Variants in PCDHGA5 observed in about 807,000 individuals in gnomAD.
PCDHGA5 encodes the protein protocadherin gamma subfamily A, 5.
In PCDHGA5, 36 loss-of-function variants were observed where a neutral mutation model predicts 56.7. The ratio of observed to expected loss-of-function variants is 0.64; its 90% CI spans 0.49 to 0.84. PCDHGA5 has a LOEUF of 0.84. PCDHGA5 is among the 40% of genes least tolerant of loss of function. The probability of loss-of-function intolerance (pLI) is 0.00; values close to 1 mark genes in which losing one functional copy is unlikely to be tolerated. For synonymous variants in PCDHGA5, 563 were observed against 520.2 expected (o/e 1.08, Z -1.12); for missense variants, 1,305 against 1,201.5 (o/e 1.09, Z -1.27).
Position 141,477,514 on chromosome 5 carries a change from T to G in PCDHGA5, c.2422-17293T>G. 1 of 1,614,114 alleles carries G rather than the reference T, an allele frequency of 6.2e-7. No individual in the cohort carries two copies. Among genetic ancestry groups the G allele is most frequent in the Non-Finnish European group, 8.5e-7 (1 of 1,180,026 alleles). On this transcript the variant is annotated intron_variant, in intron 1 of 3. Coordinates refer to ENST00000518069, the MANE Select transcript of PCDHGA5 (RefSeq NM_018918.3). The surrounding 1 kb of genome is among the most constrained non-coding windows in gnomAD (Gnocchi z 4.9). Reference sequence around the variant, plus strand: ...CTCAATCTTCCTACGACGTTTACATTGAAGAAAACAACCTCCCCGGGGCTC... The same window carrying G: ...CTCAATCTTCCTACGACGTTTACATGGAAGAAAACAACCTCCCCGGGGCTC...
chr5:141,371,221 A>G, intron 1 of PCDHGA5: 1 of 1,614,064 alleles, frequency 6.2e-7, no homozygotes, highest in Non-Finnish European at 8.5e-7. Context: ...ATCAATGCCG[A>G]AATCATCTAT....
At chr5:141,375,540 A>C in intron 1 of PCDHGA5, 1 of 1,613,910 alleles carries the variant, frequency 6.2e-7, no homozygotes, top group Non-Finnish European at 8.5e-7. Flanking sequence ...CAGAACGCCC[A>C]AGTCTCCTAC....
intron 1 of PCDHGA5, chr5:141,479,339 G>GTA (rs1298553162): frequency 1.3e-5 from 2 of 152,644 alleles, no homozygotes; most frequent in East Asian, 3.8e-4. Context: ...GTGTGCACCT[G>GTA]TAGTTCTTGC....
At chr5:141,399,916 A>G in intron 1 of PCDHGA5, 3 of 1,612,378 alleles carry the variant, frequency 1.9e-6, no homozygotes, top group Non-Finnish European at 1.7e-6. Context: ...CTCAGGACAC[A>G]ACGCCTGGCT....
chr5:141,392,810 A>C (rs772526220), intron 1 of PCDHGA5: 1 of 1,580,390 alleles, frequency 6.3e-7, no homozygotes, highest in South Asian at 1.2e-5. Flanking sequence ...GCAGCAAAAC[A>C]ACAATGGCCG....
At chr5:141,423,362 T>G (rs1419859253) in intron 1 of PCDHGA5, 1 of 1,614,112 alleles carries the variant, frequency 6.2e-7, no homozygotes, top group African/African-American at 1.3e-5. Flanking sequence ...GTCATCGTGC[T>G]GCTGGCACTC....
At chr5:141,397,810 A>G (rs2093570260) in intron 1 of PCDHGA5, among the ~76,000 whole-genome samples, 1 of 152,218 alleles carries the variant, frequency 6.6e-6, no homozygotes. Context: ...TAGGCACACA[A>G]AAACAATTAC....
At chr5:141,449,500 A>G (rs1034917703) in intron 1 of PCDHGA5, among the ~76,000 whole-genome samples, 6 of 151,300 alleles carry the variant, frequency 4.0e-5, no homozygotes, top group African/African-American at 1.5e-4. Flanking sequence ...GAGGCATGAG[A>G]AATGCTTGAA....
chr5:141,454,898 C>T (rs1426884791), intron 1 of PCDHGA5, among the ~76,000 whole-genome samples: 1 of 147,834 alleles, frequency 6.8e-6, no homozygotes, highest in Non-Finnish European at 1.5e-5. Flanking sequence ...AGCACCGCCT[C>T]CCGGGTTCAC....
chr5:141,481,455 C>T (rs2099537897), intron 1 of PCDHGA5, among the ~76,000 whole-genome samples: 1 of 152,176 alleles, frequency 6.6e-6, no homozygotes, highest in African/African-American at 2.4e-5. Flanking sequence ...TGTAAATACA[C>T]TGAAAACCAT....
chr5:141,374,126 C>T, intron 1 of PCDHGA5: 1 of 1,602,982 alleles, frequency 6.2e-7, no homozygotes, highest in Middle Eastern at 1.7e-4. Flanking sequence ...CGAGCAGGTC[C>T]TGCTCCTCAC....
intron 1 of PCDHGA5, chr5:141,398,610 T>C: frequency 6.2e-7 from 1 of 1,614,020 alleles, no homozygotes. Context: ...AAGATGCAGA[T>C]ATTGGCTTAA....
rs149653507 is a variant in PCDHGA5 at position 141,469,869 on chromosome 5, G to A, written c.2422-24938G>A. Among the ~76,000 whole-genome samples, 591 of 152,290 alleles carry A rather than the reference G, an allele frequency of 3.9e-3. 6 individuals are homozygous for A. Among genetic ancestry groups the A allele is most frequent in the Admixed American group, 0.011 (171 of 15,304 alleles). On this transcript the variant is annotated intron_variant, in intron 1 of 3. Transcript: ENST00000518069. ...ATTCAGACCGGGTGCAATGGCTCACGCCTGTAATCTCGGCACTTTGGGAAG... is the reference window on the plus strand; with the variant it reads ...ATTCAGACCGGGTGCAATGGCTCACACCTGTAATCTCGGCACTTTGGGAAG...
In PCDHGA5 at chr5:141,413,469, G is replaced by A. The variant is rs766765319; in HGVS notation, c.2421+46718G>A. 5 of 1,614,012 alleles carry A rather than the reference G, an allele frequency of 3.1e-6. No individual in the cohort carries two copies. The African/African-American group carries it at 5.3e-5, about 17-fold the overall frequency. On this transcript the variant is annotated intron_variant, in intron 1 of 3. Transcript: ENST00000518069. ...CCGCGGGCAGGATAGACCGGGAGGA[G>A]CTCTGCGCTCAGAGCGCGCGGTGCG...
At position 141,511,256 on chromosome 5, in the gene PCDHGA5, T is replaced by C. The variant is rs1003866304; in HGVS notation, c.*83T>C. On this transcript the variant is annotated 3_prime_UTR_variant, in exon 4 of 4. Transcript: ENST00000518069. ...CTTACCTGCACCCAGGCCTCAGAGT[T>C]TCAGGGCTAACCCCCAGAATACTGG... The C allele has an allele frequency of 1.9e-6, 3 of 1,563,388 alleles. No homozygotes were observed. The highest frequency in any genetic ancestry group is 2.7e-5 in the African/African-American group (2 of 73,508).
chr5:141,483,099 C>T (rs10068400), intron 1 of PCDHGA5, among the ~76,000 whole-genome samples: 3,098 of 152,014 alleles, frequency 0.02, 87 homozygotes, highest in African/African-American at 0.065. Flanking sequence ...AAAAAGTGTG[C>T]GTGTAAAACA....
chr5:141,366,977 A>G, intron 1 of PCDHGA5: 1 of 540,714 alleles, frequency 1.8e-6, no homozygotes, highest in Non-Finnish European at 3.1e-6. Context: ...AATACCTTAA[A>G]GGAAAGTGGT....
Position 141,490,398 on chromosome 5 carries a change from C to A in PCDHGA5, c.2422-4409C>A. 1 of 1,614,168 alleles carries A rather than the reference C, an allele frequency of 6.2e-7. No homozygotes were observed. Among genetic ancestry groups the A allele is most frequent in the South Asian group, 1.1e-5 (1 of 91,088 alleles). On this transcript the variant is annotated intron_variant, in intron 1 of 3. Coordinates refer to ENST00000518069, the MANE Select transcript of PCDHGA5 (RefSeq NM_018918.3). This position sits in a 1 kb window ranked among gnomAD's most constrained non-coding sequence, Gnocchi z 5.4. ...ACTCAGGTAGAAATGGTGAAGTGAG[C>A]CTTGATATCTCTCCGGACCTGCCAT...
chr5:141,477,752 G>C lies in PCDHGA5; in HGVS notation c.2422-17055G>C. On this transcript the variant is annotated intron_variant, in intron 1 of 3. Coordinates refer to ENST00000518069, the MANE Select transcript of PCDHGA5 (RefSeq NM_018918.3). This position sits in a 1 kb window ranked among gnomAD's most constrained non-coding sequence, Gnocchi z 4.9. ...TCATATCAGCGATGGGGGCACCCCG[G>C]TCCTAGCCACCAACATCAGCGTGAA... The C allele has an allele frequency of 6.2e-7, 1 of 1,613,868 alleles. No homozygotes were observed.
Sources: gnomAD v4.1 joint callset for allele counts (sites outside exome capture counted in the v4.1 genomes callset) on GRCh38, gnomAD v4.1.1 for gene constraint, Gnocchi (gnomAD v3.1) non-coding constraint, MANE v1.5 for transcripts, NCBI Gene and HGNC (gene_info 2026-07-23, HGNC 2026-07-21) for gene names.